ITGAM: variants seen among roughly 807,000 people sequenced by gnomAD.
ITGAM encodes the protein integrin subunit alpha M, also known as integrin alpha-M.
Under a neutral mutation model 137.5 loss-of-function variants are expected in ITGAM, and 79 were observed. The ratio of observed to expected loss-of-function variants is 0.57; its 90% CI spans 0.48 to 0.69. The LOEUF (loss-of-function observed/expected upper bound fraction) is 0.69. Among genes scored for constraint, ITGAM ranks in the 30% least tolerant of loss-of-function variants. ITGAM has a pLI of 0.00. For missense variants in ITGAM, 1,343 were observed against 1,483.5 expected (o/e 0.91, Z 1.56); for synonymous variants, 583 against 592.3 (o/e 0.98, Z 0.23).
At chr16:31,262,858 T>C (rs985223729) in intron 2 of ITGAM, among the ~76,000 whole-genome samples, 2 of 152,262 alleles carry the variant, frequency 1.3e-5, no homozygotes, top group African/African-American at 4.8e-5. Context: ...CTCTTTGCTT[T>C]ATCTCCCATA....
chr16:31,286,886 CT>C (rs1393382625), intron 12 of ITGAM, among the ~76,000 whole-genome samples: 2 of 152,106 alleles, frequency 1.3e-5, no homozygotes, highest in Non-Finnish European at 2.9e-5. Flanking sequence ...GTTGCAGTTG[CT>C]TTTGAGGGCT....
rs761146279 is a variant in ITGAM at position 31,328,234 on chromosome 16, C to T, written c.2792+4C>T. 6.8e-6 allele frequency: 11 copies of T among 1,612,102 alleles called. No individual in the cohort carries two copies. Among genetic ancestry groups the T allele is most frequent in the Non-Finnish European group, 9.3e-6 (11 of 1,178,348 alleles). On this transcript the variant is annotated splice_donor_region_variant and intron_variant, in intron 23 of 29. Coordinates refer to ENST00000544665, the MANE Select transcript of ITGAM (RefSeq NM_000632.4). ...CTGTCTACATGGTGGTCACCAGGTGCTGGCTTCCAGGACTTTAGCTGAGCC... is the reference window on the plus strand; with the variant it reads ...CTGTCTACATGGTGGTCACCAGGTGTTGGCTTCCAGGACTTTAGCTGAGCC...
intron 23 of ITGAM, 47 bp downstream of exon 23, chr16:31,328,277 C>T (rs765808456): frequency 7.0e-7 from 1 of 1,422,054 alleles, no homozygotes; most frequent in Non-Finnish European, 9.9e-7. Flanking sequence ...CTGGGCTGGA[C>T]ATGGCTGATT....
At chr16:31,276,023 G>A (rs539255149) in intron 9 of ITGAM, among the ~76,000 whole-genome samples, 12 of 152,270 alleles carry the variant, frequency 7.9e-5, no homozygotes, top group Admixed American at 6.5e-4. Context: ...TATCCCAATT[G>A]CCTAGAATAG....
In ITGAM at chr16:31,276,561, A is replaced by G. The variant is rs958211091; in HGVS notation, c.1010-110A>G. 13 of 725,314 alleles carry G rather than the reference A, an allele frequency of 1.8e-5. No individual in the cohort carries two copies. In the East Asian group the frequency reaches 3.3e-4, roughly 18 times the overall value. 44.9% of individuals were successfully genotyped at this position (725,314 alleles called of 1,614,324 possible). ...TCACCAGACTGGTCTCTAACTCCTG[A>G]CCTCAAGTGATCTGCCCATCTCAGG... On this transcript the variant is annotated intron_variant, in intron 9 of 29. Transcript: ENST00000544665.
rs1261987121 is a variant in ITGAM, at chr16:31,331,209, G to A, written c.3321G>A (p.Pro1107=). Residue 1107 remains proline, a synonymous_variant, in exon 29 of 30, where the codon CCG becomes CCA. Coordinates refer to ENST00000544665, the MANE Select transcript of ITGAM (RefSeq NM_000632.4). ...VEPFEVPNPL[P]LIVGSSVGGL... ...CGTTCGAGGTCCCCAACCCCCTGCCGCTCATCGTGGGCAGCTCTGTCGGGG... is the reference window on the plus strand; with the variant it reads ...CGTTCGAGGTCCCCAACCCCCTGCCACTCATCGTGGGCAGCTCTGTCGGGG... 2 of 1,613,120 alleles carry A rather than the reference G, an allele frequency of 1.2e-6. No homozygotes were observed. The highest frequency in any genetic ancestry group is 2.2e-5 in the East Asian group (1 of 44,812).
intron 3 of ITGAM, 69 bp downstream of exon 3, chr16:31,265,567 C>G: frequency 9.4e-7 from 1 of 1,060,546 alleles, no homozygotes; most frequent in Non-Finnish European, 1.4e-6. Context: ...TCCAGGCACT[C>G]CTGTGTCCTG....
chr16:31,277,576 G>A (rs536740903), intron 11 of ITGAM, among the ~76,000 whole-genome samples: 12 of 151,994 alleles, frequency 7.9e-5, no homozygotes, highest in East Asian at 1.9e-4. Flanking sequence ...CAGGCTGGTC[G>A]CGAACTCCCA....
chr16:31,269,891 C>T (rs1225943226), intron 5 of ITGAM, among the ~76,000 whole-genome samples: 1 of 152,192 alleles, frequency 6.6e-6, no homozygotes. Context: ...GTTGAGCCCC[C>T]TCATCTGCCA....
chr16:31,284,276 C>T (rs977339099), intron 12 of ITGAM, among the ~76,000 whole-genome samples: 2 of 152,240 alleles, frequency 1.3e-5, no homozygotes, highest in African/African-American at 4.8e-5. Context: ...ACATTTAAGT[C>T]TGCAGAAGTT....
chr16:31,329,002 G>A, intron 23 of ITGAM: 1 of 611,836 alleles, frequency 1.6e-6, no homozygotes, highest in Non-Finnish European at 2.9e-6. Flanking sequence ...ATGTGCTCAT[G>A]GGTGTGCATT....
chr16:31,301,211 T>C (rs536406713), intron 14 of ITGAM, among the ~76,000 whole-genome samples: 3 of 152,206 alleles, frequency 2.0e-5, no homozygotes, highest in South Asian at 2.1e-4. Context: ...TACTTTTTCA[T>C]TGAAGTCTTT....
At chr16:31,268,482 T>G (rs539625376) in intron 5 of ITGAM, among the ~76,000 whole-genome samples, 1 of 152,218 alleles carries the variant, frequency 6.6e-6, no homozygotes, top group East Asian at 1.9e-4. Context: ...GACAACATAA[T>G]GAGACCCCAT....
In ITGAM at chr16:31,332,619, C is replaced by T. The variant is rs114550743; in HGVS notation, c.*912C>T. The T allele has an allele frequency of 6.7e-4, 101 of 150,772 alleles. No individual in the cohort carries two copies. The highest frequency in any genetic ancestry group is 2.2e-3 in the African/African-American group (91 of 40,818). 9.3% of individuals were successfully genotyped at this position (150,772 alleles called of 1,614,324 possible). Reference sequence around the variant, plus strand: ...CACGTGTGCACACACACCACACATACACACACACAAGCTTTTTTACACAAA... The same window carrying T: ...CACGTGTGCACACACACCACACATATACACACACAAGCTTTTTTACACAAA... On this transcript the variant is annotated 3_prime_UTR_variant, in exon 30 of 30. Coordinates refer to ENST00000544665, the MANE Select transcript of ITGAM (RefSeq NM_000632.4).
intron 12 of ITGAM, among the ~76,000 whole-genome samples, chr16:31,289,020 G>A (rs1340829785): frequency 1.3e-5 from 2 of 152,268 alleles, no homozygotes; most frequent in African/African-American, 4.8e-5. Context: ...ATCATCACTG[G>A]CCATCAGAGA....
intron 5 of ITGAM, among the ~76,000 whole-genome samples, chr16:31,269,079 C>T (rs950498493): frequency 1.3e-5 from 2 of 152,064 alleles, no homozygotes; most frequent in Non-Finnish European, 1.5e-5. Flanking sequence ...CTTGGTAGGT[C>T]GCGGGGGAAG....
intron 12 of ITGAM, among the ~76,000 whole-genome samples, chr16:31,292,587 A>G (rs913505227): frequency 6.6e-6 from 1 of 152,126 alleles, no homozygotes; most frequent in African/African-American, 2.4e-5. Flanking sequence ...CCCACAAAAG[A>G]CATGATCTTG....
intron 14 of ITGAM, among the ~76,000 whole-genome samples, chr16:31,302,463 CTTT>C (rs1398640348): frequency 0.013 from 380 of 29,436 alleles, no homozygotes; most frequent in East Asian, 0.077. Context: ...TCCTTCCTTT[CTTT>C]CTTTCTTTCT....
At chr16:31,306,628 C>T (rs1420616991) in intron 14 of ITGAM, among the ~76,000 whole-genome samples, 1 of 151,892 alleles carries the variant, frequency 6.6e-6, no homozygotes, top group Non-Finnish European at 1.5e-5. Flanking sequence ...TCTTTTGCCT[C>T]AGCCTCCTGA....
Sources: allele counts gnomAD v4.1 joint callset (sites outside exome capture counted in the v4.1 genomes callset), GRCh38; gene constraint gnomAD v4.1.1; transcripts MANE v1.5; gene names NCBI Gene and HGNC (gene_info 2026-07-23, HGNC 2026-07-21).